The following COL12A1 variants were observed in gnomAD, a reference collection of about 807,000 sequenced individuals.
The protein encoded by COL12A1 is collagen alpha-1(XII) chain.
COL12A1 carries 114 observed loss-of-function variants against 349.7 expected under a neutral mutation model. The observed-to-expected ratio is 0.33, with a 90% CI of 0.28 to 0.38. The LOEUF is 0.38. Ranked by LOEUF, COL12A1 falls within the 10% of genes least tolerant of loss-of-function variation. The probability of loss-of-function intolerance (pLI) is 1.00; values close to 1 mark genes in which losing one functional copy is unlikely to be tolerated. For missense variants in COL12A1, 3,284 were observed against 3,756.9 expected (o/e 0.87, Z 3.29); for synonymous variants, 1,369 against 1,329.0 (o/e 1.03, Z -0.66).
intron 38 of COL12A1, among the ~76,000 whole-genome samples, chr6:75,126,909 T>C (rs1766045597): frequency 6.6e-6 from 1 of 152,074 alleles, no homozygotes; most frequent in African/African-American, 2.4e-5. Flanking sequence ...CTAATAATGT[T>C]TTTTCCCTGT....
At chr6:75,131,022 C>G (rs1439117958) in intron 35 of COL12A1, 41 bp from the exon 36 acceptor site, 2 of 1,613,044 alleles carry the variant, frequency 1.2e-6, no homozygotes, top group Non-Finnish European at 1.7e-6. Context: ...GACAACAACT[C>G]AAATGCTTAC....
In COL12A1 at chr6:75,117,594, CTTG is replaced by C. The variant is rs756809379; in HGVS notation, c.7355-51_7355-49del. ...TGAATCACGTATCTCTTTTTCTGTC[CTTG>C]TTGTTAGAACAATGCAAAAAAATTC... On this transcript the variant is annotated intron_variant, in intron 46 of 65. Transcript: ENST00000322507. 52 of 1,584,816 alleles carry C rather than the reference CTTG, an allele frequency of 3.3e-5. No individual in the cohort carries two copies. In the East Asian group the frequency reaches 7.9e-4, roughly 24 times the overall value.
chr6:75,198,117 AGTTTTCT>A (rs1770326623), intron 2 of COL12A1, among the ~76,000 whole-genome samples: 2 of 152,244 alleles, frequency 1.3e-5, no homozygotes, highest in Admixed American at 6.5e-5. Context: ...CAAAACATAC[AGTTTTCT>A]ACTGTACTAG....
chr6:75,124,465 T>A, intron 40 of COL12A1, 94 bp from the exon 41 acceptor site: 1 of 871,252 alleles, frequency 1.1e-6, no homozygotes, highest in Non-Finnish European at 1.7e-6. Flanking sequence ...TCACTGTGGC[T>A]AAAAAAAAGT....
intron 8 of COL12A1, among the ~76,000 whole-genome samples, chr6:75,186,685 C>T (rs138302003): frequency 6.6e-6 from 1 of 152,252 alleles, no homozygotes; most frequent in African/African-American, 2.4e-5. Flanking sequence ...CACTACAGCA[C>T]TATTCACAAT....
chr6:75,164,822 G>A (rs80030438), intron 14 of COL12A1, among the ~76,000 whole-genome samples: 1 of 151,324 alleles, frequency 6.6e-6, no homozygotes, highest in Non-Finnish European at 1.5e-5. Context: ...ATTATGATAG[G>A]TAATTCATAA....
chr6:75,181,214 A>AC lies in COL12A1; in HGVS notation c.1892-4_1892-3insG. Reference sequence around the variant, plus strand: ...AAGATCCTTTGGAGGGACGTAAGCTATTTAAAAAAAAAAAAAGACAGTTAA... The same window carrying AC: ...AAGATCCTTTGGAGGGACGTAAGCTACTTTAAAAAAAAAAAAAGACAGTTAA... On this transcript the variant is annotated splice_polypyrimidine_tract_variant and splice_region_variant and intron_variant, in intron 10 of 65. Transcript: ENST00000322507. 7.1e-7 allele frequency: 1 copy of AC among 1,413,160 alleles called. No individual in the cohort carries two copies. Among genetic ancestry groups the AC allele is most frequent in the Non-Finnish European group, 9.2e-7 (1 of 1,081,676 alleles). The allele number at this position is 1,413,160 out of a possible 1,614,324, so 87.5% of individuals were successfully genotyped here. A position where few individuals can be genotyped will look rare whatever the true frequency, so the allele number is the denominator to read the frequency against.
In COL12A1 at chr6:75,134,776, G is replaced by C; in HGVS notation, c.5474C>G (p.Ser1825Cys). The C allele has an allele frequency of 6.2e-7, 1 of 1,612,750 alleles. No homozygotes were observed. Among genetic ancestry groups the C allele is most frequent in the Non-Finnish European group, 8.5e-7 (1 of 1,179,100 alleles). Residue 1825 changes from serine to cysteine, a missense_variant, in exon 32 of 66, where the codon TCT (serine) becomes TGT (cysteine). Ser to Cys is a moderately radical substitution (Grantham distance 112). Coordinates refer to ENST00000322507, the MANE Select transcript of COL12A1 (RefSeq NM_004370.6). ...ACCTCCTTCACCATCAGGATACAGA[G>C]AGGATACGGTGATAGTGTAAGGAGT... Reference protein sequence around the residue: ...PDTPYTITVSSLYPDGEGGRM... With the variant: ...PDTPYTITVSCLYPDGEGGRM...
At chr6:75,177,501 TA>T (rs113654274) in intron 12 of COL12A1, among the ~76,000 whole-genome samples, 161 bp downstream of exon 12, 14 of 150,894 alleles carry the variant, frequency 9.3e-5, no homozygotes, top group African/African-American at 2.2e-4. Context: ...CATGATTAAG[TA>T]AAAAAAAAAT....
At chr6:75,087,373 G>A (rs1434147261) in intron 65 of COL12A1, 1 of 531,290 alleles carries the variant, frequency 1.9e-6, no homozygotes, top group Non-Finnish European at 3.2e-6. Flanking sequence ...AGAAACATGG[G>A]GAAAAAAGAA....
At chr6:75,181,961 T>C (rs1407164374) in intron 10 of COL12A1, among the ~76,000 whole-genome samples, 1 of 149,568 alleles carries the variant, frequency 6.7e-6, no homozygotes, top group Non-Finnish European at 1.5e-5. Flanking sequence ...CCAGGCGTGG[T>C]GGCACACTCC....
chr6:75,181,927 C>CAAAAAAAAA (rs547248236), intron 10 of COL12A1, among the ~76,000 whole-genome samples: 10 of 139,294 alleles, frequency 7.2e-5, no homozygotes, highest in African/African-American at 2.7e-4. Context: ...CCGTCTCTAC[C>CAAAAAAAAA]AAAAAAAAAA....
chr6:75,185,460 T>A (rs1769562374), intron 8 of COL12A1, among the ~76,000 whole-genome samples: 1 of 152,098 alleles, frequency 6.6e-6, no homozygotes, highest in South Asian at 2.1e-4. Context: ...AAACCACTGC[T>A]CAAAGAAATC....
At chr6:75,132,311 C>T (rs548082235) in intron 34 of COL12A1, among the ~76,000 whole-genome samples, 18 of 152,250 alleles carry the variant, frequency 1.2e-4, no homozygotes, top group Non-Finnish European at 2.2e-4. Context: ...CAATTAAAAA[C>T]AAGCTAATAA....
chr6:75,127,882 C>G (rs78352822), intron 38 of COL12A1, among the ~76,000 whole-genome samples: 6,137 of 152,172 alleles, frequency 0.04, 225 homozygotes, highest in African/African-American at 0.1. Context: ...AATGATTGCT[C>G]ATCATCTCAT....
intron 51 of COL12A1, among the ~76,000 whole-genome samples, chr6:75,110,024 C>G (rs1768754824): frequency 6.6e-6 from 1 of 152,034 alleles, no homozygotes; most frequent in Non-Finnish European, 1.5e-5. Flanking sequence ...TATTTTTAAA[C>G]TAAATATTTT....
At position 75,085,301 on chromosome 6, in the gene COL12A1, C is replaced by T. The variant is rs1183880955; in HGVS notation, c.*1246G>A. 1 of 471,112 alleles carries T rather than the reference C, an allele frequency of 2.1e-6. No homozygotes were observed. Among genetic ancestry groups the T allele is most frequent in the South Asian group, 1.5e-5 (1 of 64,568 alleles). 29.2% of individuals were successfully genotyped at this position (471,112 alleles called of 1,614,324 possible). A position where few individuals can be genotyped will look rare whatever the true frequency, so the allele number is the denominator to read the frequency against. On this transcript the variant is annotated 3_prime_UTR_variant, in exon 66 of 66. Transcript: ENST00000322507. ...CCTCGTATTCCGCTGTCCGCTCGGGCTCCACCGGCACGATGAAGGGCTCGC... is the reference window on the plus strand; with the variant it reads ...CCTCGTATTCCGCTGTCCGCTCGGGTTCCACCGGCACGATGAAGGGCTCGC...
chr6:75,142,360 T>C (rs1181965037), intron 26 of COL12A1, among the ~76,000 whole-genome samples, 199 bp from the exon 27 acceptor site: 1 of 152,186 alleles, frequency 6.6e-6, no homozygotes, highest in Non-Finnish European at 1.5e-5. Context: ...ATGTACTAGA[T>C]CATATGGCAC....
intron 1 of COL12A1, among the ~76,000 whole-genome samples, chr6:75,204,346 G>C (rs1217161071): frequency 6.6e-6 from 1 of 151,988 alleles, no homozygotes. Flanking sequence ...GCTGTGCGCA[G>C]ATTTTTTTTT....
Sources: allele counts gnomAD v4.1 joint callset (sites outside exome capture counted in the v4.1 genomes callset), GRCh38; gene constraint gnomAD v4.1.1; transcripts MANE v1.5; gene names NCBI Gene and HGNC (gene_info 2026-07-23, HGNC 2026-07-21).